TYW1: variants seen among roughly 807,000 people sequenced by gnomAD.
The protein encoded by TYW1 is tRNA-yW synthesizing protein 1 homolog, also known as S-adenosyl-L-methionine-dependent tRNA 4-demethylwyosine synthase TYW1.
A neutral mutation model predicts 96.2 loss-of-function variants in TYW1; 46 were observed. That is an observed-to-expected ratio of 0.48 (90% confidence interval 0.38 to 0.61). The LOEUF is 0.61. Among genes scored for constraint, TYW1 ranks in the 20% least tolerant of loss-of-function variants. TYW1 has a pLI of 0.00. For synonymous variants in TYW1, 274 were observed against 323.0 expected (o/e 0.85, Z 1.63); for missense variants, 684 against 909.6 (o/e 0.75, Z 3.19).
chr7:67,006,040 C>G (rs1036337951), intron 3 of TYW1, among the ~76,000 whole-genome samples: 1 of 152,128 alleles, frequency 6.6e-6, no homozygotes, highest in Non-Finnish European at 1.5e-5. Context: ...AAAGGAATAC[C>G]TGCAGCTGGG....
At chr7:67,078,993 T>C (rs6975866) in intron 10 of TYW1, among the ~76,000 whole-genome samples, 37,075 of 152,092 alleles carry the variant, frequency 0.24, 4,797 homozygotes, top group African/African-American at 0.32. Context: ...CGCGCCTGGC[T>C]GAGGATTTTT....
At chr7:67,045,387 AAT>A (rs1795157097) in intron 7 of TYW1, among the ~76,000 whole-genome samples, 1 of 151,670 alleles carries the variant, frequency 6.6e-6, no homozygotes, top group African/African-American at 2.4e-5. Context: ...ATTAAAAAAA[AAT>A]TTTTTTTTTG....
At chr7:67,161,477 G>A (rs12155044) in intron 13 of TYW1, among the ~76,000 whole-genome samples, 42,745 of 152,002 alleles carry the variant, frequency 0.28, 6,518 homozygotes, top group African/African-American at 0.4. Context: ...TGGAATTTTG[G>A]TTTGCAGGCT....
At chr7:67,102,296 A>G (rs1429530260) in intron 12 of TYW1, among the ~76,000 whole-genome samples, 1 of 152,236 alleles carries the variant, frequency 6.6e-6, no homozygotes, top group African/African-American at 2.4e-5. Context: ...AATGCCGGCC[A>G]CATTTGGTAG....
chr7:67,103,286 C>A (rs1797145822), intron 12 of TYW1, among the ~76,000 whole-genome samples: 1 of 152,172 alleles, frequency 6.6e-6, no homozygotes, highest in Non-Finnish European at 1.5e-5. Context: ...ACAGAGCAGT[C>A]CTCCTGGCTT....
At chr7:67,217,630 C>A (rs1237076098) in intron 15 of TYW1, among the ~76,000 whole-genome samples, 4 of 152,120 alleles carry the variant, frequency 2.6e-5, no homozygotes, top group Non-Finnish European at 5.9e-5. Flanking sequence ...GCCAGTATCA[C>A]ACTGTTTTGA....
intron 5 of TYW1, 132 bp downstream of exon 5, chr7:67,014,693 T>A: frequency 9.3e-7 from 1 of 1,076,050 alleles, no homozygotes; most frequent in Non-Finnish European, 1.3e-6. Flanking sequence ...ATCCACAAAC[T>A]TTGGTAGCTA....
chr7:67,059,836 G>A (rs765763456), intron 9 of TYW1, among the ~76,000 whole-genome samples: 15 of 150,830 alleles, frequency 9.9e-5, no homozygotes, highest in Middle Eastern at 3.4e-3. Context: ...GCAGTGGTGT[G>A]ATCTCGGCTC....
rs570299951 is a variant in TYW1, at chr7:67,011,873, C to CAA, written c.375+2204_375+2205dup. Among the ~76,000 whole-genome samples, 667 of 91,708 alleles carry CAA rather than the reference C, an allele frequency of 7.3e-3. 9 individuals are homozygous for CAA. The highest frequency in any genetic ancestry group is 0.017 in the African/African-American group (412 of 24,440). The allele number at this position is 91,708 out of a possible 152,430, so 60.2% of individuals were successfully genotyped here. Reference sequence around the variant, plus strand: ...GGGCGACAAAAGCAAATCTCCGTCTCAAAAAAAAAAAAAAAAGAAGCAGCA... The same window carrying CAA: ...GGGCGACAAAAGCAAATCTCCGTCTCAAAAAAAAAAAAAAAAAAGAAGCAGCA... On this transcript the variant is annotated intron_variant, in intron 4 of 15. Coordinates refer to ENST00000359626, the MANE Select transcript of TYW1 (RefSeq NM_018264.4).
chr7:67,119,391 C>T (rs895170614), intron 13 of TYW1, among the ~76,000 whole-genome samples: 2 of 152,098 alleles, frequency 1.3e-5, no homozygotes, highest in Non-Finnish European at 2.9e-5. Context: ...TGTCTGGCCT[C>T]GATGTACATT....
chr7:67,186,663 TTTTTG>T (rs1800035061), intron 14 of TYW1, among the ~76,000 whole-genome samples: 1 of 152,026 alleles, frequency 6.6e-6, no homozygotes, highest in African/African-American at 2.4e-5. Context: ...ATTTAAAACA[TTTTTG>T]TATTTATAGA....
intron 15 of TYW1, among the ~76,000 whole-genome samples, chr7:67,235,412 A>G (rs1801852624): frequency 6.6e-6 from 1 of 152,188 alleles, no homozygotes; most frequent in African/African-American, 2.4e-5. Context: ...GTTGAATTAC[A>G]TGTTAATGTC....
chr7:67,029,407 G>GTATATA (rs1453768398), intron 7 of TYW1, among the ~76,000 whole-genome samples: 51 of 96,258 alleles, frequency 5.3e-4, no homozygotes, highest in African/African-American at 1.5e-3. Flanking sequence ...GTGTGTGTGT[G>GTATATA]TGTGTGTGTA....
chr7:67,149,265 CTCAT>C (rs1432097919), intron 13 of TYW1, among the ~76,000 whole-genome samples: 1 of 152,168 alleles, frequency 6.6e-6, no homozygotes, highest in Admixed American at 6.5e-5. Flanking sequence ...ATTTCTTTTG[CTCAT>C]TCAAACTAGA....
At chr7:67,147,423 A>G (rs80250654) in intron 13 of TYW1, among the ~76,000 whole-genome samples, 18 of 149,360 alleles carry the variant, frequency 1.2e-4, no homozygotes, top group African/African-American at 4.4e-4. Flanking sequence ...CATGCTCTGT[A>G]TTTTTTTTTT....
intron 15 of TYW1, among the ~76,000 whole-genome samples, chr7:67,221,494 A>T (rs552216266): frequency 6.6e-6 from 1 of 152,358 alleles, no homozygotes; most frequent in South Asian, 2.1e-4. Context: ...ATCGAAAATA[A>T]TGACCGATAT....
rs1584463693 is a variant in TYW1 at position 67,014,498 on chromosome 7, G to A, written c.507G>A (p.Leu169=). 2 of 1,613,924 alleles carry A rather than the reference G, an allele frequency of 1.2e-6. No individual in the cohort carries two copies. The highest frequency in any genetic ancestry group is 3.3e-4 in the Middle Eastern group (2 of 6,056). ...SIDFRFGKTY[L]KGMRYAVFGL... ...ATTTTCGATTTGGCAAAACTTACCT[G>A]AAGGGTATGAGATATGCGGTATTTG... Residue 169 remains leucine, a synonymous_variant, in exon 5 of 16, where the codon CTG becomes CTA. Transcript: ENST00000359626.
intron 13 of TYW1, among the ~76,000 whole-genome samples, chr7:67,127,155 TA>T: frequency 6.6e-6 from 1 of 151,376 alleles, no homozygotes; most frequent in East Asian, 1.9e-4. Context: ...GATAATAAAA[TA>T]ATCTTTTTTT....
intron 6 of TYW1, among the ~76,000 whole-genome samples, chr7:67,023,991 C>T (rs1480093430): frequency 1.3e-5 from 2 of 151,974 alleles, no homozygotes; most frequent in Non-Finnish European, 2.9e-5. Flanking sequence ...GTGTTGGGGA[C>T]GTAGTAGATA....
Sources: gnomAD v4.1 joint callset for allele counts (sites outside exome capture counted in the v4.1 genomes callset) on GRCh38, gnomAD v4.1.1 for gene constraint, MANE v1.5 for transcripts, NCBI Gene and HGNC (gene_info 2026-07-23, HGNC 2026-07-21) for gene names.